DHX30: variants seen among roughly 807,000 people sequenced by gnomAD.
DHX30 encodes DExH-box helicase 30.
In DHX30, 4 loss-of-function variants were observed where a neutral mutation model predicts 116.9. That is an observed-to-expected ratio of 0.03 (90% CI 0.02 to 0.08). The LOEUF is 0.08. Ranked by LOEUF, DHX30 falls within the 10% of genes least tolerant of loss-of-function variation. The pLI, the probability that DHX30 is intolerant of heterozygous loss-of-function variation, is 1.00. For synonymous variants in DHX30, 697 were observed against 651.7 expected (o/e 1.07, Z -1.06); for missense variants, 871 against 1,595.1 (o/e 0.55, Z 7.73).
At chr3:47,841,519 C>T (rs1476602113) in intron 7 of DHX30, 98 bp from the exon 8 acceptor site, 5 of 1,539,214 alleles carry the variant, frequency 3.2e-6, no homozygotes, top group Non-Finnish European at 2.6e-6. Context: ...TTCTGGCTCC[C>T]TGCTGCAGCG....
chr3:47,827,614 G>A, intron 5 of DHX30, 137 bp downstream of exon 5: 1 of 1,223,058 alleles, frequency 8.2e-7, no homozygotes, highest in Non-Finnish European at 1.1e-6. Context: ...GAGACTCAGA[G>A]CAAAGCTAGG....
At position 47,810,480 on chromosome 3, in the gene DHX30, C is replaced by G. The variant is rs1014215265; in HGVS notation, c.-27-177C>G. Among the ~76,000 whole-genome samples, 6 of 152,298 alleles carry G rather than the reference C, an allele frequency of 3.9e-5. No individual in the cohort carries two copies. The East Asian group carries it at 1.2e-3, about 29-fold the overall frequency. On this transcript the variant is annotated intron_variant, in intron 2 of 21. Transcript: ENST00000445061. ...TTAGAAAGAAGCAAAGACAATTACT[C>G]TAGAGTGGAGCTGGCCTTCCAGTCC...
At position 47,813,076 on chromosome 3, in the gene DHX30, C is replaced by T. The variant is rs1310053249; in HGVS notation, c.28+2365C>T. On this transcript the variant is annotated intron_variant, in intron 3 of 21. Coordinates refer to ENST00000445061, the MANE Select transcript of DHX30 (RefSeq NM_138615.3). ...AAGTCTTGCCGGGCGCGGTGGCTCA[C>T]GCCTGTAATCCCAGCACTTTGGGAG... Among the ~76,000 whole-genome samples, 7 of 151,806 alleles carry T rather than the reference C, an allele frequency of 4.6e-5. No individual in the cohort carries two copies. The East Asian group carries it at 1.2e-3, about 25-fold the overall frequency.
At chr3:47,844,745 G>A (rs2037525266) in intron 9 of DHX30, among the ~76,000 whole-genome samples, 1 of 152,234 alleles carries the variant, frequency 6.6e-6, no homozygotes, top group Non-Finnish European at 1.5e-5. Context: ...TGTGCGTGAG[G>A]TATTGGAATG....
intron 3 of DHX30, among the ~76,000 whole-genome samples, chr3:47,815,436 T>C (rs1262448136): frequency 1.3e-5 from 2 of 152,144 alleles, no homozygotes; most frequent in East Asian, 3.9e-4. Context: ...AGATGCTTCT[T>C]GGTACTCTGG....
At position 47,846,770 on chromosome 3, in the gene DHX30, G is replaced by A. The variant is rs748186255; in HGVS notation, c.1698G>A (p.Val566=). Residue 566 remains valine, a synonymous_variant, in exon 11 of 22, where the codon GTG becomes GTA. Coordinates refer to ENST00000445061, the MANE Select transcript of DHX30 (RefSeq NM_138615.3). ...VIVDEVHERD[V]NTDFLLILLK... is the part of the protein sequence containing the mutation. ...TGGATGAGGTGCATGAGCGGGACGT[G>A]AACACAGACTTTCTGCTGATCCTGC... 1 of 1,613,956 alleles carries A rather than the reference G, an allele frequency of 6.2e-7. No homozygotes were observed. The highest frequency in any genetic ancestry group is 1.1e-5 in the South Asian group (1 of 91,076).
chr3:47,806,830 C>T (rs555878488), intron 2 of DHX30, among the ~76,000 whole-genome samples: 18 of 150,562 alleles, frequency 1.2e-4, no homozygotes, highest in Non-Finnish European at 2.2e-4. Context: ...TGACCTCAGG[C>T]AATCTGCCTG....
chr3:47,818,150 T>G (rs779962682), intron 4 of DHX30, 33 bp downstream of exon 4: 4 of 774,826 alleles, frequency 5.2e-6, no homozygotes, highest in Middle Eastern at 4.6e-4. Context: ...AGCAACAGCT[T>G]GGTCCAGGGT....
At chr3:47,811,864 G>T (rs2035803525) in intron 3 of DHX30, among the ~76,000 whole-genome samples, 1 of 152,080 alleles carries the variant, frequency 6.6e-6, no homozygotes, top group Non-Finnish European at 1.5e-5. Context: ...AGGAGTTCCA[G>T]ACCAGCCTGG....
At position 47,846,354 on chromosome 3, in the gene DHX30, T is replaced by C. The variant is rs1437926965; in HGVS notation, c.1282T>C (p.Trp428Arg). Residue 428 changes from tryptophan to arginine, a missense_variant, in exon 11 of 22, where the codon TGG becomes CGG. Physicochemically the swap from Trp to Arg is moderately radical, Grantham distance 101 (BLOSUM62 -3). Coordinates refer to ENST00000445061, the MANE Select transcript of DHX30 (RefSeq NM_138615.3). ...LELWRRRGPVWQEAPQLPVDP... is the reference protein window; with the variant it reads ...LELWRRRGPVRQEAPQLPVDP... ...ACTGTGGCGGCGGCGAGGGCCGGTC[T>C]GGCAGGAGGCCCCCCAGCTACCTGT... is the stretch of plus-strand genomic sequence containing the variant. 2 of 1,614,052 alleles carry C rather than the reference T, an allele frequency of 1.2e-6. No homozygotes were observed. Among genetic ancestry groups the C allele is most frequent in the South Asian group, 2.2e-5 (2 of 91,088 alleles).
chr3:47,831,810 C>T (rs1173248708), intron 6 of DHX30, among the ~76,000 whole-genome samples: 3 of 151,058 alleles, frequency 2.0e-5, no homozygotes, highest in Non-Finnish European at 4.4e-5. Context: ...TGCACCCAGC[C>T]TATGTGTATT....
rs2037317366 is a variant in DHX30, at chr3:47,840,380, C to G, written c.367-497C>G. Among the ~76,000 whole-genome samples, 5 of 151,520 alleles carry G rather than the reference C, an allele frequency of 3.3e-5. No homozygotes were observed. In the South Asian group the frequency reaches 1.0e-3, roughly 32 times the overall value. The stretch of plus-strand genomic sequence containing the variant: ...TCTTCTTGGGCTTGGTGCGGTGGCT[C>G]ATGTCTGTAATCCTAGCACTTTGGG... On this transcript the variant is annotated intron_variant, in intron 6 of 21. Coordinates refer to ENST00000445061, the MANE Select transcript of DHX30 (RefSeq NM_138615.3).
At chr3:47,821,760 A>G (rs2106989090) in intron 4 of DHX30, among the ~76,000 whole-genome samples, 1 of 151,140 alleles carries the variant, frequency 6.6e-6, no homozygotes, top group African/African-American at 2.4e-5. Flanking sequence ...CCATGCCCAG[A>G]GCTAATTTCT....
At chr3:47,831,750 A>G (rs1184522543) in intron 6 of DHX30, among the ~76,000 whole-genome samples, 1 of 148,854 alleles carries the variant, frequency 6.7e-6, no homozygotes, top group Non-Finnish European at 1.5e-5. Context: ...GGTTCAAGCC[A>G]TCCTCCCGCC....
chr3:47,832,576 C>T (rs2036908938), intron 6 of DHX30, among the ~76,000 whole-genome samples: 1 of 152,088 alleles, frequency 6.6e-6, no homozygotes, highest in Non-Finnish European at 1.5e-5. Context: ...GTAGGTCTAC[C>T]TCAGTGATTC....
chr3:47,810,597 C>T, intron 2 of DHX30, 60 bp from the exon 3 acceptor site: 1 of 1,394,220 alleles, frequency 7.2e-7, no homozygotes, highest in South Asian at 1.2e-5. Context: ...CTGAAGTCTT[C>T]TTTGTGGGTT....
At chr3:47,808,740 T>A (rs1049065406) in intron 2 of DHX30, among the ~76,000 whole-genome samples, 2 of 151,148 alleles carry the variant, frequency 1.3e-5, no homozygotes, top group Admixed American at 6.6e-5. Flanking sequence ...CACAGCTGGC[T>A]AATTTTTGTA....
At position 47,846,837 on chromosome 3, in the gene DHX30, C is replaced by G. The variant is rs2037630040; in HGVS notation, c.1765C>G (p.Leu589Val). ...GCTCAACCCGGCCCTGCGGCTGGTG[C>G]TCATGAGTGCCACAGGGGACAATGA... is the stretch of plus-strand genomic sequence containing the variant. Reference protein sequence around the residue: ...QRLNPALRLVLMSATGDNERF... With the variant: ...QRLNPALRLVVMSATGDNERF... The change falls in exon 11 of 22, where the codon CTC becomes GTC. Residue 589 changes from leucine (L) to valine (V), a missense_variant. This residue lies in a region of DHX30 where 22 missense variants were observed against 18.8 expected (regional missense o/e 1.17). Coordinates refer to ENST00000445061, the MANE Select transcript of DHX30 (RefSeq NM_138615.3). The G allele has an allele frequency of 1.2e-6, 2 of 1,612,302 alleles. No homozygotes were observed. Among genetic ancestry groups the G allele is most frequent in the African/African-American group, 1.3e-5 (1 of 75,056 alleles).
intron 4 of DHX30, among the ~76,000 whole-genome samples, chr3:47,826,577 C>T (rs1390923781): frequency 2.0e-5 from 3 of 152,040 alleles, no homozygotes; most frequent in African/African-American, 7.2e-5. Context: ...TCCCAAGTAG[C>T]TGGGACTACA....
Sources: gnomAD v4.1 joint callset for allele counts (sites outside exome capture counted in the v4.1 genomes callset) on GRCh38, gnomAD v4.1.1 for gene constraint, gnomAD v4.1.1 regional missense constraint, MANE v1.5 for transcripts, NCBI Gene and HGNC (gene_info 2026-07-23, HGNC 2026-07-21) for gene names.